SHISA9: variants seen among roughly 807,000 people sequenced by gnomAD.
SHISA9 encodes protein shisa-9.
Under a neutral mutation model 38.0 loss-of-function variants are expected in SHISA9, and 13 were observed. That is an observed-to-expected ratio of 0.34 (90% CI 0.22 to 0.54). The LOEUF (loss-of-function observed/expected upper bound fraction) is 0.54. SHISA9 is among the 20% of genes least tolerant of loss of function. The pLI, the probability that SHISA9 is intolerant of heterozygous loss-of-function variation, is 0.91. For synonymous variants in SHISA9, 275 were observed against 242.0 expected, an observed-to-expected ratio of 1.14 and a Z score of -1.27; for missense variants, 538 against 575.8, an observed-to-expected ratio of 0.93 and a Z score of 0.67.
At chr16:13,036,134 T>C (rs1337377116) in intron 2 of SHISA9, among the ~76,000 whole-genome samples, 1 of 152,214 alleles carries the variant, frequency 6.6e-6, no homozygotes, top group Non-Finnish European at 1.5e-5. Flanking sequence ...ATTCCACTCC[T>C]AGATATCTGC....
At chr16:13,487,144 A>T in the SHISA9 span, among the ~76,000 whole-genome samples, 1 of 152,208 alleles carries the variant, frequency 6.6e-6, no homozygotes, top group Non-Finnish European at 1.5e-5. Flanking sequence ...ATCCCTTGCT[A>T]TCTGAGAGGG....
chr16:13,202,548 C>G (rs561138077), intron 2 of SHISA9, among the ~76,000 whole-genome samples: 3 of 139,828 alleles, frequency 2.1e-5, no homozygotes, highest in East Asian at 3.9e-4. Context: ...AAATGCTATA[C>G]TATTTGCTTT....
intron 2 of SHISA9, among the ~76,000 whole-genome samples, chr16:12,954,214 C>G (rs903736205): frequency 6.6e-6 from 1 of 152,144 alleles, no homozygotes; most frequent in African/African-American, 2.4e-5. Flanking sequence ...ATAGCCTGTG[C>G]AAAGGCGTAG....
the SHISA9 span, among the ~76,000 whole-genome samples, chr16:13,274,583 A>G: frequency 6.6e-5 from 10 of 152,082 alleles, no homozygotes; most frequent in African/African-American, 9.7e-5. Flanking sequence ...TTAATTCCCC[A>G]TGGTAGAGAT....
chr16:13,498,538 G>T, the SHISA9 span, among the ~76,000 whole-genome samples: 5 of 152,084 alleles, frequency 3.3e-5, no homozygotes, highest in Non-Finnish European at 5.9e-5. Context: ...GGGAGGATCA[G>T]CTGAGGTCAG....
intron 1 of SHISA9, chr16:12,911,055 T>C (rs1020634154): frequency 5.9e-6 from 1 of 170,910 alleles, no homozygotes; most frequent in African/African-American, 2.4e-5. Flanking sequence ...TGATGAAATA[T>C]CTGGGCACCC....
chr16:12,930,967 T>C (rs1410543841), intron 2 of SHISA9, among the ~76,000 whole-genome samples: 1 of 152,180 alleles, frequency 6.6e-6, no homozygotes, highest in Non-Finnish European at 1.5e-5. Context: ...ACTTACCTAC[T>C]CTTTGACTTT....
chr16:13,039,465 C>T (rs1023982075), intron 2 of SHISA9, among the ~76,000 whole-genome samples: 5 of 148,478 alleles, frequency 3.4e-5, no homozygotes, highest in African/African-American at 1.3e-4. Flanking sequence ...CATGCCTGCC[C>T]AATGTGTCAA....
chr16:13,277,984 G>C, the SHISA9 span, among the ~76,000 whole-genome samples: 5 of 152,050 alleles, frequency 3.3e-5, no homozygotes, highest in East Asian at 5.8e-4. Context: ...GGGCCTCCTT[G>C]TCTTGTTCCC....
At chr16:13,194,251 A>G (rs1478623652) in intron 2 of SHISA9, among the ~76,000 whole-genome samples, 1 of 152,220 alleles carries the variant, frequency 6.6e-6, no homozygotes, top group Non-Finnish European at 1.5e-5. Flanking sequence ...TTCCAAAGAC[A>G]AATGTCTTCC....
the SHISA9 span, among the ~76,000 whole-genome samples, chr16:13,444,439 G>A: frequency 3.0e-4 from 45 of 150,640 alleles, no homozygotes; most frequent in South Asian, 9.5e-3. Context: ...AAGGAAGGAA[G>A]GGAGGAAACA....
chr16:13,306,165 G>A, the SHISA9 span, among the ~76,000 whole-genome samples: 2 of 152,200 alleles, frequency 1.3e-5, no homozygotes, highest in African/African-American at 2.4e-5. Context: ...CTCTGGAATG[G>A]CAAGAGATGG....
chr16:13,052,408 GCCAAGAAGC>G (rs2073263235), intron 2 of SHISA9, among the ~76,000 whole-genome samples: 1 of 152,152 alleles, frequency 6.6e-6, no homozygotes, highest in Non-Finnish European at 1.5e-5. Context: ...AAGCAATGAG[GCCAAGAAGC>G]CCACTGTCTT....
At chr16:13,114,030 G>T (rs1160665432) in intron 2 of SHISA9, among the ~76,000 whole-genome samples, 1 of 152,062 alleles carries the variant, frequency 6.6e-6, no homozygotes, top group East Asian at 1.9e-4. Context: ...TACCTGTGAT[G>T]GTTAAAATAT....
At chr16:13,531,587 T>C in the SHISA9 span, among the ~76,000 whole-genome samples, 1 of 152,144 alleles carries the variant, frequency 6.6e-6, no homozygotes, top group African/African-American at 2.4e-5. Flanking sequence ...TTTGACCTTC[T>C]GGTTTGGCCT....
Position 13,235,123 on chromosome 16 carries a change from A to T in SHISA9, c.989A>T (p.Glu330Val). 1 of 1,551,670 alleles carries T rather than the reference A, an allele frequency of 6.4e-7. No homozygotes were observed. The highest frequency in any genetic ancestry group is 1.2e-5 in the South Asian group (1 of 84,064). ...GNLPLHPVRV[E>V]DEPRAFSPEH... The stretch of plus-strand genomic sequence containing the variant: ...TTACCTCTGCACCCCGTAAGAGTGG[A>T]GGACGAGCCCCGGGCCTTCAGCCCT... Residue 330 changes from glutamate (E) to valine (V), a missense_variant, in exon 5 of 5, where the codon GAG becomes GTG. Coordinates refer to ENST00000558583, the MANE Select transcript of SHISA9 (RefSeq NM_001145204.3).
chr16:12,946,733 G>A (rs930965007), intron 2 of SHISA9, among the ~76,000 whole-genome samples: 8 of 152,210 alleles, frequency 5.3e-5, no homozygotes, highest in Non-Finnish European at 8.8e-5. Flanking sequence ...TAGCCATGGC[G>A]GAGAAGGGGG....
intron 2 of SHISA9, among the ~76,000 whole-genome samples, chr16:13,084,638 A>G (rs1250509509): frequency 6.6e-6 from 1 of 152,240 alleles, no homozygotes; most frequent in Non-Finnish European, 1.5e-5. Flanking sequence ...CATGGGATTT[A>G]AATGACAATG....
chr16:13,377,678 G>C, the SHISA9 span, among the ~76,000 whole-genome samples: 6 of 152,172 alleles, frequency 3.9e-5, no homozygotes, highest in Admixed American at 3.3e-4. Context: ...TCAGTATATA[G>C]CTCAATAATG....
Sources: gnomAD v4.1 joint callset for allele counts (sites outside exome capture counted in the v4.1 genomes callset) on GRCh38, gnomAD v4.1.1 for gene constraint, MANE v1.5 for transcripts, NCBI Gene and HGNC (gene_info 2026-07-23, HGNC 2026-07-21) for gene names.